NRG2: variants seen among roughly 807,000 people sequenced by gnomAD.
NRG2 encodes the protein neuregulin 2.
A neutral mutation model predicts 73.9 loss-of-function variants in NRG2; 27 were observed. That is an observed-to-expected ratio of 0.37 (90% CI 0.27 to 0.50). The LOEUF (loss-of-function observed/expected upper bound fraction) is 0.50, where lower values mean the gene tolerates loss of function less well. NRG2 is among the 20% of genes least tolerant of loss of function. The probability of loss-of-function intolerance (pLI) is 0.96; values close to 1 mark genes in which losing one functional copy is unlikely to be tolerated. For missense variants in NRG2, 1,126 were observed against 1,210.1 expected (o/e 0.93, Z 1.03); for synonymous variants, 532 against 541.0 (o/e 0.98, Z 0.23).
intron 5 of NRG2, among the ~76,000 whole-genome samples, chr5:139,864,491 G>T (rs991745037): frequency 3.3e-5 from 5 of 151,146 alleles, no homozygotes; most frequent in African/African-American, 1.2e-4. Context: ...GACCACAGAG[G>T]TGCTGAGAGA....
intron 1 of NRG2, among the ~76,000 whole-genome samples, chr5:140,028,315 A>T (rs1007685776): frequency 2.6e-5 from 4 of 152,230 alleles, no homozygotes; most frequent in Non-Finnish European, 4.4e-5. Context: ...TATTATAATA[A>T]GTCTGAAATT....
chr5:139,989,707 T>C (rs1757428951), intron 1 of NRG2, among the ~76,000 whole-genome samples: 1 of 151,926 alleles, frequency 6.6e-6, no homozygotes, highest in Admixed American at 6.6e-5. Flanking sequence ...AGTTATGGAT[T>C]TAGTTTATTC....
intron 3 of NRG2, among the ~76,000 whole-genome samples, chr5:139,877,059 G>T (rs949894573): frequency 6.6e-6 from 1 of 152,074 alleles, no homozygotes; most frequent in Non-Finnish European, 1.5e-5. Context: ...GGTCAAACCT[G>T]CCTGTCCTCT....
intron 1 of NRG2, among the ~76,000 whole-genome samples, chr5:139,930,367 A>G (rs1752385905): frequency 6.6e-6 from 1 of 152,242 alleles, no homozygotes; most frequent in Non-Finnish European, 1.5e-5. Context: ...GGAAAACAAG[A>G]TGTATCCTAA....
chr5:139,960,678 T>A (rs1372965900), intron 1 of NRG2, among the ~76,000 whole-genome samples: 2 of 152,234 alleles, frequency 1.3e-5, no homozygotes, highest in Non-Finnish European at 2.9e-5. Context: ...TGGCTCACAG[T>A]AAACGCCATG....
chr5:139,942,201 T>C lies in NRG2; in HGVS notation c.701-54690A>G, dbSNP rs190473476. On this transcript the variant is annotated intron_variant, in intron 1 of 9. Coordinates refer to ENST00000361474, the MANE Select transcript of NRG2 (RefSeq NM_004883.3). ...TTTAGCTCTTATTTCAGTCAAAAAATGCACAGAACTGTCAATGGTTAAGTT... is the reference window on the plus strand; with the variant it reads ...TTTAGCTCTTATTTCAGTCAAAAAACGCACAGAACTGTCAATGGTTAAGTT... Among the ~76,000 whole-genome samples the C allele has an allele frequency of 1.4e-3, 207 of 152,278 alleles. 1 individual carries two copies. The highest frequency in any genetic ancestry group is 2.3e-3 in the Non-Finnish European group (157 of 67,994).
chr5:139,975,067 C>T (rs1250245540), intron 1 of NRG2, among the ~76,000 whole-genome samples: 2 of 152,198 alleles, frequency 1.3e-5, no homozygotes, highest in Non-Finnish European at 2.9e-5. Flanking sequence ...TCGTACATGT[C>T]TACTTGTCAT....
chr5:140,043,027 C>G lies in NRG2; in HGVS notation c.43G>C (p.Glu15Gln), dbSNP rs1437157811. The G allele has an allele frequency of 1.6e-5, 24 of 1,538,952 alleles. No individual in the cohort carries two copies. The highest frequency in any genetic ancestry group is 2.1e-5 in the Non-Finnish European group (24 of 1,148,066). Residue 15 changes from glutamate (E) to glutamine (Q), a missense_variant, in exon 1 of 10, where the codon GAG (glutamate) becomes CAG (glutamine). Around this residue, in one of 3 missense-constraint regions of NRG2, gnomAD observed 185 missense variants for 149.0 expected, o/e 1.24. Transcript: ENST00000361474. The surrounding 1 kb of genome is among the most constrained non-coding windows in gnomAD (Gnocchi z 6.7). ...CCSALPPPPL[E>Q]KGRCSSYSDS... is the part of the protein sequence containing the mutation. ...CTGTAGCTGCTGCACCGACCCTTCT[C>G]CAGTGGCGGCGGCGGCAGCGCTGAG...
intron 1 of NRG2, among the ~76,000 whole-genome samples, chr5:140,014,246 T>C (rs1409459653): frequency 6.6e-6 from 1 of 151,332 alleles, no homozygotes; most frequent in East Asian, 1.9e-4. Context: ...TTTTTTTTCC[T>C]TTTTTTCTGA....
chr5:139,847,899 G>A lies in NRG2; in HGVS notation c.*18C>T, dbSNP rs1238835491. 12 of 1,413,596 alleles carry A rather than the reference G, an allele frequency of 8.5e-6. No individual in the cohort carries two copies. In the Admixed American group the frequency reaches 9.5e-5, roughly 11 times the overall value. 87.6% of individuals were successfully genotyped at this position (1,413,596 alleles called of 1,614,324 possible). A position where few individuals can be genotyped will look rare whatever the true frequency, so the allele number is the denominator to read the frequency against. ...AAGATAGTGGGGCGGGCGGGGCGGAGGGGCGCGCGGCGGGGCCCTAGAGTG... is the reference window on the plus strand; with the variant it reads ...AAGATAGTGGGGCGGGCGGGGCGGAAGGGCGCGCGGCGGGGCCCTAGAGTG... On this transcript the variant is annotated 3_prime_UTR_variant, in exon 10 of 10. Transcript: ENST00000361474.
chr5:139,959,630 C>G (rs1255468100), intron 1 of NRG2, among the ~76,000 whole-genome samples: 1 of 152,208 alleles, frequency 6.6e-6, no homozygotes, highest in Non-Finnish European at 1.5e-5. Flanking sequence ...CCCGCCTCGG[C>G]CTCCCAAAGT....
intron 1 of NRG2, among the ~76,000 whole-genome samples, chr5:139,963,806 C>A (rs1755262490): frequency 6.6e-6 from 1 of 152,300 alleles, no homozygotes; most frequent in African/African-American, 2.4e-5. Context: ...TCACTGCTCC[C>A]TGTCTAACCC....
intron 1 of NRG2, among the ~76,000 whole-genome samples, chr5:139,989,711 T>C (rs1757429158): frequency 6.6e-6 from 1 of 151,804 alleles, no homozygotes. Context: ...ATGGATTTAG[T>C]TTATTCAGTC....
At chr5:139,871,984 T>G in intron 3 of NRG2, 143 bp from the exon 4 acceptor site, 5 of 1,174,094 alleles carry the variant, frequency 4.3e-6, no homozygotes, top group East Asian at 2.6e-5. Context: ...TGGTGGTCCC[T>G]TCTAGTCACA....
chr5:140,012,763 T>C (rs889194207), intron 1 of NRG2, among the ~76,000 whole-genome samples: 1 of 152,218 alleles, frequency 6.6e-6, no homozygotes, highest in Non-Finnish European at 1.5e-5. Flanking sequence ...TATGATGTTC[T>C]TTCTTCCCTT....
At chr5:139,911,565 G>C (rs1009444415) in intron 1 of NRG2, among the ~76,000 whole-genome samples, 2 of 152,220 alleles carry the variant, frequency 1.3e-5, no homozygotes. Flanking sequence ...CTGGCAGAAA[G>C]CCTGCGGCAT....
chr5:139,964,265 C>T (rs1250414946), intron 1 of NRG2, among the ~76,000 whole-genome samples: 1 of 152,128 alleles, frequency 6.6e-6, no homozygotes, highest in Non-Finnish European at 1.5e-5. Context: ...CCAATGTCTA[C>T]CCTACTGTCT....
intron 1 of NRG2, among the ~76,000 whole-genome samples, chr5:139,905,740 C>A (rs568315026): frequency 1.3e-5 from 2 of 152,006 alleles, no homozygotes; most frequent in Non-Finnish European, 2.9e-5. Flanking sequence ...TGAGGGAGAG[C>A]GAGTACCCAC....
Position 140,043,215 on chromosome 5 carries a change from A to T in NRG2, c.-146T>A. ...CCCGGGGAGGTGGCCCAGCTAGGGCAGGGGGCAGGCGGCAAGCGGGCCGCG... is the reference window on the plus strand; with the variant it reads ...CCCGGGGAGGTGGCCCAGCTAGGGCTGGGGGCAGGCGGCAAGCGGGCCGCG... On this transcript the variant is annotated 5_prime_UTR_variant, in exon 1 of 10. Coordinates refer to ENST00000361474, the MANE Select transcript of NRG2 (RefSeq NM_004883.3). This position sits in a 1 kb window ranked among gnomAD's most constrained non-coding sequence, Gnocchi z 6.7. 1.3e-5 allele frequency: 11 copies of T among 876,224 alleles called. No individual in the cohort carries two copies. The highest frequency in any genetic ancestry group is 3.1e-5 in the East Asian group (1 of 31,824). 54.3% of individuals were successfully genotyped at this position (876,224 alleles called of 1,614,324 possible).
Sources: allele counts gnomAD v4.1 joint callset (sites outside exome capture counted in the v4.1 genomes callset), GRCh38; gene constraint gnomAD v4.1.1; regional missense constraint gnomAD v4.1.1; non-coding constraint Gnocchi (gnomAD v3.1); transcripts MANE v1.5; gene names NCBI Gene and HGNC (gene_info 2026-07-23, HGNC 2026-07-21).